Variants in RUNX2 observed in about 807,000 individuals in gnomAD.
The protein encoded by RUNX2 is RUNX family transcription factor 2, also known as runt-related transcription factor 2.
In RUNX2, 10 loss-of-function variants were observed where a neutral mutation model predicts 51.7. The ratio of observed to expected loss-of-function variants is 0.19; its 90% CI spans 0.12 to 0.33. RUNX2 has a LOEUF of 0.33. Ranked by LOEUF, RUNX2 falls within the 10% of genes least tolerant of loss-of-function variation. The probability of loss-of-function intolerance (pLI) is 1.00; values close to 1 mark genes in which losing one functional copy is unlikely to be tolerated. For missense variants in RUNX2, 562 were observed against 691.3 expected, an observed-to-expected ratio of 0.81 and a Z score of 2.10; for synonymous variants, 276 against 273.6, an observed-to-expected ratio of 1.01 and a Z score of -0.09.
chr6:45,476,877 T>G (rs1020388057), intron 5 of RUNX2, among the ~76,000 whole-genome samples: 6 of 152,214 alleles, frequency 3.9e-5, no homozygotes, highest in African/African-American at 1.4e-4. Flanking sequence ...TATGCAAGGA[T>G]GTACAGGAAG....
At position 45,547,371 on chromosome 6, in the gene RUNX2, A is replaced by G; in HGVS notation, c.*66A>G. 8.0e-7 allele frequency: 1 copy of G among 1,244,826 alleles called. No individual in the cohort carries two copies. Among genetic ancestry groups the G allele is most frequent in the Non-Finnish European group, 1.2e-6 (1 of 847,430 alleles). 77.1% of individuals were successfully genotyped at this position (1,244,826 alleles called of 1,614,324 possible). On this transcript the variant is annotated 3_prime_UTR_variant, in exon 9 of 9. Transcript: ENST00000647337. ...CCCACACGTATCAATATATACATATATAGAGAGAGTGCATATATATGTATA... is the reference window on the plus strand; with the variant it reads ...CCCACACGTATCAATATATACATATGTAGAGAGAGTGCATATATATGTATA...
intron 7 of RUNX2, among the ~76,000 whole-genome samples, chr6:45,534,707 G>A (rs1359559788): frequency 6.6e-6 from 1 of 152,204 alleles, no homozygotes; most frequent in Admixed American, 6.5e-5. Flanking sequence ...GTTAGTTGAA[G>A]ATGTACAGAC....
chr6:45,481,036 T>C (rs1057233487), intron 5 of RUNX2, among the ~76,000 whole-genome samples: 1 of 152,214 alleles, frequency 6.6e-6, no homozygotes, highest in African/African-American at 2.4e-5. Context: ...GAGGAGCCCT[T>C]TGCCTTTTTA....
chr6:45,534,599 C>G (rs141349087), intron 7 of RUNX2, among the ~76,000 whole-genome samples: 1 of 152,132 alleles, frequency 6.6e-6, no homozygotes, highest in Admixed American at 6.5e-5. Context: ...GAGCAAGAGA[C>G]GCACCACAGA....
At chr6:45,483,485 T>C (rs1457026160) in intron 5 of RUNX2, among the ~76,000 whole-genome samples, 1 of 152,188 alleles carries the variant, frequency 6.6e-6, no homozygotes, top group Non-Finnish European at 1.5e-5. Flanking sequence ...AAGTTTGTGC[T>C]AGACATAAAA....
chr6:45,347,064 T>A (rs528081806), intron 2 of RUNX2, among the ~76,000 whole-genome samples: 1 of 152,132 alleles, frequency 6.6e-6, no homozygotes, highest in Non-Finnish European at 1.5e-5. Context: ...TAATTAAAAA[T>A]TGAACACATT....
chr6:45,405,742 G>C (rs1797820639), intron 2 of RUNX2, among the ~76,000 whole-genome samples: 1 of 151,910 alleles, frequency 6.6e-6, no homozygotes, highest in Non-Finnish European at 1.5e-5. Context: ...AGCTGAGACT[G>C]TGCCACTGCA....
chr6:45,541,119 C>T (rs1433981874), intron 7 of RUNX2, among the ~76,000 whole-genome samples: 2 of 152,134 alleles, frequency 1.3e-5, no homozygotes, highest in African/African-American at 4.8e-5. Flanking sequence ...GTTCCCAATC[C>T]TTAGACTCAT....
At chr6:45,503,013 C>T (rs1313693022) in intron 6 of RUNX2, among the ~76,000 whole-genome samples, 1 of 152,184 alleles carries the variant, frequency 6.6e-6, no homozygotes, top group Non-Finnish European at 1.5e-5. Context: ...AGGAACTGGA[C>T]ACGGGCCTAA....
At chr6:45,480,112 C>A (rs980792627) in intron 5 of RUNX2, among the ~76,000 whole-genome samples, 3 of 152,190 alleles carry the variant, frequency 2.0e-5, no homozygotes, top group African/African-American at 7.2e-5. Flanking sequence ...TTCATTACAC[C>A]TGGCTGAATA....
chr6:45,475,511 T>A (rs1034632769), intron 5 of RUNX2, among the ~76,000 whole-genome samples: 1 of 152,216 alleles, frequency 6.6e-6, no homozygotes, highest in Non-Finnish European at 1.5e-5. Context: ...GCCTTAGTGC[T>A]TTAGCTTAGG....
At chr6:45,442,596 A>C (rs1259909622) in intron 5 of RUNX2, among the ~76,000 whole-genome samples, 1 of 152,250 alleles carries the variant, frequency 6.6e-6, no homozygotes, top group East Asian at 1.9e-4. Flanking sequence ...GGATGGAAAA[A>C]GTAAATAAGC....
chr6:45,363,629 A>G (rs2150264073), intron 2 of RUNX2, among the ~76,000 whole-genome samples: 1 of 152,252 alleles, frequency 6.6e-6, no homozygotes, highest in Non-Finnish European at 1.5e-5. Context: ...AACATAACAC[A>G]ACATAAAATA....
intron 7 of RUNX2, among the ~76,000 whole-genome samples, chr6:45,538,862 T>A (rs1028900137): frequency 6.6e-6 from 1 of 152,188 alleles, no homozygotes; most frequent in Admixed American, 6.5e-5. Flanking sequence ...GGCAGTCATA[T>A]GACTGCCACG....
chr6:45,391,169 T>C (rs895635583), intron 2 of RUNX2, among the ~76,000 whole-genome samples: 2 of 152,196 alleles, frequency 1.3e-5, no homozygotes, highest in African/African-American at 4.8e-5. Flanking sequence ...AAATTTCATT[T>C]TGAAATGTGA....
At chr6:45,525,649 C>T (rs1801651384) in intron 7 of RUNX2, among the ~76,000 whole-genome samples, 1 of 152,122 alleles carries the variant, frequency 6.6e-6, no homozygotes, top group Non-Finnish European at 1.5e-5. Flanking sequence ...TAAATTAAGG[C>T]CTGAAAGGGC....
chr6:45,363,779 T>C (rs939816987), intron 2 of RUNX2, among the ~76,000 whole-genome samples: 1 of 152,094 alleles, frequency 6.6e-6, no homozygotes, highest in Non-Finnish European at 1.5e-5. Context: ...GTCAAATTTA[T>C]TGGCATCTCA....
At chr6:45,449,347 C>A (rs771559030) in intron 5 of RUNX2, among the ~76,000 whole-genome samples, 5 of 152,194 alleles carry the variant, frequency 3.3e-5, no homozygotes, top group Non-Finnish European at 7.3e-5. Flanking sequence ...TTATGTAGCG[C>A]CTTTCTGCCA....
chr6:45,447,216 C>G (rs1452535167), intron 5 of RUNX2, among the ~76,000 whole-genome samples: 2 of 152,174 alleles, frequency 1.3e-5, no homozygotes, highest in East Asian at 3.8e-4. Context: ...GCAGGCAGGA[C>G]CTTTGCCGGC....
Sources: allele counts gnomAD v4.1 joint callset (sites outside exome capture counted in the v4.1 genomes callset), GRCh38; gene constraint gnomAD v4.1.1; transcripts MANE v1.5; gene names NCBI Gene and HGNC (gene_info 2026-07-23, HGNC 2026-07-21).